Variants in ARHGAP15 observed in about 807,000 individuals in gnomAD.
ARHGAP15 encodes Rho GTPase activating protein 15.
In ARHGAP15, 51 loss-of-function variants were observed where a neutral mutation model predicts 63.7. The observed-to-expected ratio is 0.80, with a 90% CI of 0.64 to 1.01. ARHGAP15 has a LOEUF of 1.01. Ranked by LOEUF, ARHGAP15 falls within the 50% of genes least tolerant of loss-of-function variation. The pLI, the probability that ARHGAP15 is intolerant of heterozygous loss-of-function variation, is 0.00. For synonymous variants in ARHGAP15, 191 were observed against 193.8 expected, an observed-to-expected ratio of 0.99 and a Z score of 0.12; for missense variants, 560 against 564.6, an observed-to-expected ratio of 0.99 and a Z score of 0.08.
chr2:143,525,350 T>C (rs1428453960), intron 10 of ARHGAP15, among the ~76,000 whole-genome samples: 1 of 133,988 alleles, frequency 7.5e-6, no homozygotes, highest in Non-Finnish European at 1.7e-5. Context: ...AAAAATTACA[T>C]GCTCCAAAAA....
chr2:143,553,107 A>G (rs749810479), intron 10 of ARHGAP15, among the ~76,000 whole-genome samples: 2 of 152,188 alleles, frequency 1.3e-5, no homozygotes, highest in African/African-American at 2.4e-5. Flanking sequence ...AATTTGGGTA[A>G]TAGTCCTAGA....
intron 7 of ARHGAP15, among the ~76,000 whole-genome samples, chr2:143,436,302 G>A (rs939723287): frequency 3.9e-5 from 6 of 152,154 alleles, no homozygotes; most frequent in African/African-American, 1.4e-4. Flanking sequence ...GCAAAATTTT[G>A]GGAAGAAATA....
At chr2:143,534,159 A>G (rs1275300977) in intron 10 of ARHGAP15, among the ~76,000 whole-genome samples, 1 of 152,166 alleles carries the variant, frequency 6.6e-6, no homozygotes, top group Non-Finnish European at 1.5e-5. Context: ...TGTTCTCATA[A>G]TAGTGAGTGA....
At chr2:143,676,744 AT>A (rs1195690720) in intron 12 of ARHGAP15, among the ~76,000 whole-genome samples, 1 of 152,214 alleles carries the variant, frequency 6.6e-6, no homozygotes. Context: ...AACAGATAAA[AT>A]AATAATGAAA....
chr2:143,747,412 CT>C lies in ARHGAP15; in HGVS notation c.1245-20575del, dbSNP rs565709811. ...ATTAAAGTCCATAGTTTACATTAGGCTTCACTCTTTACACTGTACATTCTAT... is the reference window on the plus strand; with the variant it reads ...ATTAAAGTCCATAGTTTACATTAGGCTCACTCTTTACACTGTACATTCTAT... On this transcript the variant is annotated intron_variant, in intron 13 of 13. Transcript: ENST00000295095. 7.2e-5 allele frequency among the ~76,000 whole-genome samples: 11 copies of C among 152,252 alleles called. No individual in the cohort carries two copies. The South Asian group carries it at 2.3e-3, about 32-fold the overall frequency.
chr2:143,150,997 T>C (rs945430565), intron 1 of ARHGAP15, among the ~76,000 whole-genome samples: 1 of 152,050 alleles, frequency 6.6e-6, no homozygotes, highest in African/African-American at 2.4e-5. Context: ...TGAAGGTCAG[T>C]GAGGAATGAA....
At chr2:143,413,207 T>C (rs1156491103) in intron 6 of ARHGAP15, among the ~76,000 whole-genome samples, 1 of 152,194 alleles carries the variant, frequency 6.6e-6, no homozygotes, top group East Asian at 1.9e-4. Context: ...CCAGAAAGAA[T>C]GTGTTTCTTT....
At chr2:143,457,809 G>T (rs1446930402) in intron 8 of ARHGAP15, among the ~76,000 whole-genome samples, 1 of 151,646 alleles carries the variant, frequency 6.6e-6, no homozygotes, top group Non-Finnish European at 1.5e-5. Context: ...AATTGCTTTT[G>T]TCTTAAGGAT....
At chr2:143,178,705 C>T (rs982427335) in intron 2 of ARHGAP15, among the ~76,000 whole-genome samples, 11 of 152,078 alleles carry the variant, frequency 7.2e-5, no homozygotes, top group East Asian at 1.9e-4. Context: ...GCAATCCTCC[C>T]GCCTCAGCCT....
chr2:143,210,850 A>G (rs1167075564), intron 3 of ARHGAP15, among the ~76,000 whole-genome samples: 1 of 152,150 alleles, frequency 6.6e-6, no homozygotes, highest in East Asian at 1.9e-4. Flanking sequence ...TCTTCTTCAC[A>G]TGCAATCATT....
intron 5 of ARHGAP15, among the ~76,000 whole-genome samples, chr2:143,239,350 G>A (rs1338443945): frequency 1.3e-5 from 2 of 152,090 alleles, no homozygotes; most frequent in Non-Finnish European, 2.9e-5. Context: ...TATATAGGAT[G>A]TTATTAATTA....
intron 12 of ARHGAP15, among the ~76,000 whole-genome samples, chr2:143,630,714 A>T (rs1467259259): frequency 6.6e-6 from 1 of 152,112 alleles, no homozygotes; most frequent in East Asian, 1.9e-4. Flanking sequence ...ACATTCAACA[A>T]TATCTGCTAA....
chr2:143,361,318 A>T (rs543748175), intron 6 of ARHGAP15, among the ~76,000 whole-genome samples: 1 of 152,330 alleles, frequency 6.6e-6, no homozygotes, highest in East Asian at 1.9e-4. Context: ...ATTCTCATGT[A>T]GTATATAAAG....
chr2:143,141,367 A>T (rs549017893), intron 1 of ARHGAP15, among the ~76,000 whole-genome samples: 1 of 152,298 alleles, frequency 6.6e-6, no homozygotes, highest in African/African-American at 2.4e-5. Context: ...GCATGGGACC[A>T]AGTGTCTATA....
intron 2 of ARHGAP15, among the ~76,000 whole-genome samples, chr2:143,178,509 A>T (rs955164157): frequency 3.9e-5 from 6 of 152,232 alleles, no homozygotes; most frequent in African/African-American, 1.4e-4. Flanking sequence ...TCTGTATTGA[A>T]GAATTCACGC....
At position 143,511,723 on chromosome 2, in the gene ARHGAP15, A is replaced by G. The variant is rs547413619; in HGVS notation, c.827-7543A>G. 5.3e-5 allele frequency among the ~76,000 whole-genome samples: 8 copies of G among 152,154 alleles called. No individual in the cohort carries two copies. The East Asian group carries it at 1.3e-3, about 26-fold the overall frequency. The stretch of plus-strand genomic sequence containing the variant: ...CTTTTCTCTCCCTCCCTTTTTTTAT[A>G]CTATTTTAAGATAGAAGTTTCCATG... On this transcript the variant is annotated intron_variant, in intron 9 of 13. Coordinates refer to ENST00000295095, the MANE Select transcript of ARHGAP15 (RefSeq NM_018460.4).
At chr2:143,475,185 G>T (rs1336236623) in intron 8 of ARHGAP15, among the ~76,000 whole-genome samples, 1 of 152,174 alleles carries the variant, frequency 6.6e-6, no homozygotes, top group African/African-American at 2.4e-5. Context: ...TTGCAATAGA[G>T]CCAAGTATTC....
chr2:143,516,895 G>T (rs1302572664), intron 9 of ARHGAP15, among the ~76,000 whole-genome samples: 1 of 152,094 alleles, frequency 6.6e-6, no homozygotes, highest in African/African-American at 2.4e-5. Context: ...GCTTCTTTCT[G>T]TTACTTGGAT....
chr2:143,247,281 C>T (rs1052164547), intron 5 of ARHGAP15: 1 of 152,336 alleles, frequency 6.6e-6, no homozygotes, highest in Non-Finnish European at 1.5e-5. Flanking sequence ...ATGCTGGTAG[C>T]AAGAGGTTGT....
Sources: allele counts gnomAD v4.1 joint callset (sites outside exome capture counted in the v4.1 genomes callset), GRCh38; gene constraint gnomAD v4.1.1; transcripts MANE v1.5; gene names NCBI Gene and HGNC (gene_info 2026-07-23, HGNC 2026-07-21).